The following PDE3A variants were observed in gnomAD, a reference collection of about 807,000 sequenced individuals.
The protein encoded by PDE3A is cGMP-inhibited 3',5'-cyclic phosphodiesterase 3A.
In PDE3A, 43 loss-of-function variants were observed where a neutral mutation model predicts 98.3. That is an observed-to-expected ratio of 0.44 (90% CI 0.34 to 0.56). PDE3A has a LOEUF of 0.56. Among genes scored for constraint, PDE3A ranks in the 20% least tolerant of loss-of-function variants. The probability of loss-of-function intolerance (pLI) is 0.01; values close to 1 mark genes in which losing one functional copy is unlikely to be tolerated. For synonymous variants in PDE3A, 663 were observed against 567.9 expected (o/e 1.17, Z -2.38); for missense variants, 1,427 against 1,440.7 (o/e 0.99, Z 0.15).
At chr12:20,553,067 A>G (rs547390851) in intron 1 of PDE3A, 3 of 1,039,392 alleles carry the variant, frequency 2.9e-6, no homozygotes, top group East Asian at 2.6e-5. Flanking sequence ...GGGCTCGTTC[A>G]TCGGCACTGA....
chr12:20,669,743 T>C (rs530468318), intron 15 of PDE3A, among the ~76,000 whole-genome samples: 1 of 151,710 alleles, frequency 6.6e-6, no homozygotes, highest in Non-Finnish European at 1.5e-5. Context: ...TGCTGCAAAA[T>C]CATGCCAAGA....
chr12:20,386,102 T>TATATAAAA (rs1565532518), intron 1 of PDE3A, among the ~76,000 whole-genome samples: 1 of 14,624 alleles, frequency 6.8e-5, no homozygotes, highest in Non-Finnish European at 1.5e-4. Context: ...TATATATAAA[T>TATATAAAA]ATATATATAA....
At chr12:20,554,152 G>A (rs957514201) in intron 1 of PDE3A, among the ~76,000 whole-genome samples, 1 of 150,658 alleles carries the variant, frequency 6.6e-6, no homozygotes, top group African/African-American at 2.4e-5. Flanking sequence ...AAAGTTTGCA[G>A]CCTATACCTC....
chr12:20,420,470 G>A (rs950704922), intron 1 of PDE3A, among the ~76,000 whole-genome samples: 3 of 152,156 alleles, frequency 2.0e-5, no homozygotes, highest in Non-Finnish European at 2.9e-5. Context: ...GCTAGCATCC[G>A]AGAGGAATGA....
chr12:20,614,261 A>AAATT (rs1212227958), intron 3 of PDE3A, among the ~76,000 whole-genome samples: 1 of 152,198 alleles, frequency 6.6e-6, no homozygotes, highest in African/African-American at 2.4e-5. Flanking sequence ...TAAAAGGAAG[A>AAATT]AATTACACAA....
At chr12:20,597,938 C>T (rs932294167) in intron 2 of PDE3A, among the ~76,000 whole-genome samples, 4 of 151,890 alleles carry the variant, frequency 2.6e-5, no homozygotes, top group Non-Finnish European at 5.9e-5. Flanking sequence ...GGTAAATTTG[C>T]AGTGGAAAAC....
intron 14 of PDE3A, 117 bp downstream of exon 14, chr12:20,650,717 C>T: frequency 1.9e-6 from 1 of 539,904 alleles, no homozygotes; most frequent in Non-Finnish European, 3.1e-6. Flanking sequence ...ATACTTTTGT[C>T]AGAAAATGCA....
Position 20,443,430 on chromosome 12 carries a change from T to TA in PDE3A, c.960+73188dup, listed in dbSNP as rs570491057. Among the ~76,000 whole-genome samples the TA allele has an allele frequency of 5.1e-4, 77 of 152,300 alleles. 1 individual carries two copies. Among genetic ancestry groups the TA allele is most frequent in the African/African-American group, 1.8e-3 (73 of 41,572 alleles). On this transcript the variant is annotated intron_variant, in intron 1 of 15. Transcript: ENST00000359062. ...TTAATGCTGACATAAGCTATTTGGG[T>TA]AATACCTCATTTTTTTTTAGAATGA...
At chr12:20,486,410 T>G (rs145898641) in intron 1 of PDE3A, among the ~76,000 whole-genome samples, 317 of 152,254 alleles carry the variant, frequency 2.1e-3, no homozygotes, top group Middle Eastern at 3.4e-3. Context: ...TTACATCCAC[T>G]TGGTGTCTCC....
chr12:20,638,638 G>A (rs1022950417), intron 9 of PDE3A, among the ~76,000 whole-genome samples: 2 of 152,088 alleles, frequency 1.3e-5, no homozygotes, highest in Non-Finnish European at 2.9e-5. Flanking sequence ...GAAACCCATG[G>A]AAAACTGCAA....
intron 1 of PDE3A, among the ~76,000 whole-genome samples, chr12:20,434,636 G>C (rs1944751883): frequency 1.3e-5 from 2 of 151,886 alleles, no homozygotes; most frequent in South Asian, 4.1e-4. Context: ...TGTAAGAAGG[G>C]GAAACTACAT....
intron 15 of PDE3A, among the ~76,000 whole-genome samples, chr12:20,663,923 C>T (rs978462243): frequency 6.6e-6 from 1 of 152,010 alleles, no homozygotes; most frequent in African/African-American, 2.4e-5. Flanking sequence ...CAAATCTCAT[C>T]TTGAATTGTA....
chr12:20,618,362 C>T (rs918436856), intron 4 of PDE3A, among the ~76,000 whole-genome samples: 1 of 150,276 alleles, frequency 6.7e-6, no homozygotes, highest in Non-Finnish European at 1.5e-5. Flanking sequence ...TTTATTTATT[C>T]CTTTCCATAT....
chr12:20,424,232 A>G (rs1274755912), intron 1 of PDE3A, among the ~76,000 whole-genome samples: 1 of 152,178 alleles, frequency 6.6e-6, no homozygotes. Context: ...AAGTTAGTCA[A>G]TTTTGAGTTG....
intron 1 of PDE3A, among the ~76,000 whole-genome samples, chr12:20,438,056 T>G (rs1256091352): frequency 6.6e-6 from 1 of 152,134 alleles, no homozygotes; most frequent in Non-Finnish European, 1.5e-5. Flanking sequence ...TGTGCAAGGC[T>G]GTTGCTAATG....
At chr12:20,506,858 A>G (rs1400289870) in intron 1 of PDE3A, among the ~76,000 whole-genome samples, 1 of 152,052 alleles carries the variant, frequency 6.6e-6, no homozygotes, top group Non-Finnish European at 1.5e-5. Context: ...AATGTTTCAT[A>G]TATGTACAAA....
At chr12:20,443,316 C>T (rs1944900455) in intron 1 of PDE3A, among the ~76,000 whole-genome samples, 1 of 152,030 alleles carries the variant, frequency 6.6e-6, no homozygotes, top group Non-Finnish European at 1.5e-5. Flanking sequence ...TTCCTAACTC[C>T]TAACTTGGAT....
At chr12:20,519,018 A>G (rs1946373852) in intron 1 of PDE3A, among the ~76,000 whole-genome samples, 1 of 147,600 alleles carries the variant, frequency 6.8e-6, no homozygotes, top group African/African-American at 2.5e-5. Flanking sequence ...GCTAAAGAAG[A>G]TTGTGTAAAA....
intron 4 of PDE3A, among the ~76,000 whole-genome samples, chr12:20,617,664 C>T (rs966612973): frequency 6.6e-6 from 1 of 152,102 alleles, no homozygotes; most frequent in Non-Finnish European, 1.5e-5. Context: ...AGAGTCTGCC[C>T]ATTTTGCCAG....
Sources: gnomAD v4.1 joint callset for allele counts (sites outside exome capture counted in the v4.1 genomes callset) on GRCh38, gnomAD v4.1.1 for gene constraint, MANE v1.5 for transcripts, NCBI Gene and HGNC (gene_info 2026-07-23, HGNC 2026-07-21) for gene names.